The following ROBO1 variants were observed in gnomAD, a reference collection of about 807,000 sequenced individuals.
ROBO1 encodes roundabout guidance receptor 1.
ROBO1 carries 149 observed loss-of-function variants against 195.9 expected under a neutral mutation model. That is an observed-to-expected ratio of 0.76 (90% CI 0.67 to 0.87). The LOEUF is 0.87. Among genes scored for constraint, ROBO1 ranks in the 40% least tolerant of loss-of-function variants. The probability of loss-of-function intolerance (pLI) is 0.00; values close to 1 mark genes in which losing one functional copy is unlikely to be tolerated. For missense variants in ROBO1, 1,933 were observed against 2,068.3 expected, an observed-to-expected ratio of 0.93 and a Z score of 1.27; for synonymous variants, 816 against 733.2, an observed-to-expected ratio of 1.11 and a Z score of -1.82.
chr3:78,938,876 G>C lies in ROBO1; in HGVS notation c.224C>G (p.Ser75Ter). ...TTCTCCTTTTGAGACAATCAGGTCTGAAGGGTGTTCAACAATGCGAGGTGG... is the reference window on the plus strand; with the variant it reads ...TTCTCCTTTTGAGACAATCAGGTCTCAAGGGTGTTCAACAATGCGAGGTGG... ...DFPPRIVEHP[S>*]DLIVSKGEPA... The change falls in exon 4 of 31, where the codon TCA (serine) becomes TGA (stop). Residue 75 changes from serine to a stop codon, truncating the protein, a stop_gained. Transcript: ENST00000464233. LOFTEE classifies it high-confidence loss of function. 1 of 1,613,974 alleles carries C rather than the reference G, an allele frequency of 6.2e-7. No homozygotes were observed. The highest frequency in any genetic ancestry group is 1.1e-5 in the South Asian group (1 of 91,078).
At chr3:79,479,745 C>A (rs1396364122) in intron 2 of ROBO1, among the ~76,000 whole-genome samples, 2 of 152,088 alleles carry the variant, frequency 1.3e-5, no homozygotes, top group Non-Finnish European at 2.9e-5. Flanking sequence ...AGGATGTTAT[C>A]CCTTAAAATT....
At chr3:79,508,816 A>G (rs189366725) in intron 2 of ROBO1, among the ~76,000 whole-genome samples, 1 of 152,330 alleles carries the variant, frequency 6.6e-6, no homozygotes, top group Non-Finnish European at 1.5e-5. Context: ...CAAGTTAATT[A>G]CACATTATTC....
At chr3:78,963,510 T>G (rs1328703087) in intron 3 of ROBO1, among the ~76,000 whole-genome samples, 1 of 135,912 alleles carries the variant, frequency 7.4e-6, no homozygotes, top group South Asian at 2.3e-4. Context: ...TTTTTTTTTT[T>G]TTTTTTTTTT....
At chr3:79,705,187 T>TA (rs1560116100) in intron 1 of ROBO1, among the ~76,000 whole-genome samples, 1 of 152,030 alleles carries the variant, frequency 6.6e-6, no homozygotes, top group African/African-American at 2.4e-5. Flanking sequence ...AAATATAATT[T>TA]AAAAAATTAA....
chr3:79,451,845 A>G (rs2039451313), intron 2 of ROBO1, among the ~76,000 whole-genome samples: 1 of 152,094 alleles, frequency 6.6e-6, no homozygotes, highest in Admixed American at 6.6e-5. Context: ...TCTTGCTGTA[A>G]ACAATGATAT....
intron 3 of ROBO1, among the ~76,000 whole-genome samples, chr3:79,045,073 A>G (rs779758775): frequency 1.3e-5 from 2 of 152,074 alleles, no homozygotes; most frequent in Non-Finnish European, 2.9e-5. Context: ...TTGAAAGACC[A>G]TGAAGCGCTA....
At chr3:79,111,980 T>C (rs1050807991) in intron 3 of ROBO1, among the ~76,000 whole-genome samples, 13 of 152,160 alleles carry the variant, frequency 8.5e-5, no homozygotes, top group African/African-American at 2.9e-4. Context: ...TGTAACATAG[T>C]GCAAAAAATG....
At chr3:78,887,160 A>C (rs1412039523) in intron 4 of ROBO1, among the ~76,000 whole-genome samples, 1 of 152,198 alleles carries the variant, frequency 6.6e-6, no homozygotes, top group Non-Finnish European at 1.5e-5. Flanking sequence ...GAACTTGGAG[A>C]GTAAAGGAGA....
intron 3 of ROBO1, among the ~76,000 whole-genome samples, chr3:78,964,269 G>C (rs902707410): frequency 6.6e-6 from 1 of 152,132 alleles, no homozygotes; most frequent in Non-Finnish European, 1.5e-5. Context: ...TTCAGATAAT[G>C]TCACATTCAC....
intron 2 of ROBO1, among the ~76,000 whole-genome samples, chr3:79,371,898 AC>A (rs2036209244): frequency 6.6e-6 from 1 of 152,166 alleles, no homozygotes; most frequent in Non-Finnish European, 1.5e-5. Flanking sequence ...TTCTTGGAAG[AC>A]AATTTTTCCA....
In ROBO1 at chr3:78,965,421, C is replaced by T. The variant is rs532607027; in HGVS notation, c.173-26494G>A. 5.9e-5 allele frequency among the ~76,000 whole-genome samples: 9 copies of T among 152,050 alleles called. No homozygotes were observed. The South Asian group carries it at 1.9e-3, about 32-fold the overall frequency. On this transcript the variant is annotated intron_variant, in intron 3 of 30. Coordinates refer to ENST00000464233, the MANE Select transcript of ROBO1 (RefSeq NM_002941.4). ...ACTTAGTTTCCTTTTTTCATATCAT[C>T]TTTAAGCCTGTTTTATAAAGCGATA...
intron 3 of ROBO1, among the ~76,000 whole-genome samples, chr3:78,965,041 C>T (rs2076608926): frequency 6.6e-6 from 1 of 151,650 alleles, no homozygotes; most frequent in African/African-American, 2.4e-5. Context: ...TGACTTCAAA[C>T]TCTAAAAATT....
At chr3:78,868,365 T>C (rs965441575) in intron 4 of ROBO1, among the ~76,000 whole-genome samples, 6 of 137,498 alleles carry the variant, frequency 4.4e-5, no homozygotes, top group South Asian at 2.2e-4. Context: ...CAAGTTCTAA[T>C]TTGGAATTGA....
chr3:78,791,469 C>T (rs12490210), intron 4 of ROBO1, among the ~76,000 whole-genome samples: 9 of 152,288 alleles, frequency 5.9e-5, no homozygotes, highest in Admixed American at 5.2e-4. Flanking sequence ...AGTTTAAAAA[C>T]CAATATGCAG....
At chr3:79,579,872 A>G (rs1443218088) in intron 2 of ROBO1, among the ~76,000 whole-genome samples, 1 of 152,144 alleles carries the variant, frequency 6.6e-6, no homozygotes. Context: ...CCAGTGAGCA[A>G]TGATACCTCA....
chr3:78,864,424 A>G (rs1576310824), intron 4 of ROBO1, among the ~76,000 whole-genome samples: 1 of 152,206 alleles, frequency 6.6e-6, no homozygotes, highest in Non-Finnish European at 1.5e-5. Flanking sequence ...TAATTTTAAT[A>G]ACATTTAATT....
intron 2 of ROBO1, among the ~76,000 whole-genome samples, chr3:79,514,653 C>G (rs1287725308): frequency 6.6e-6 from 1 of 152,096 alleles, no homozygotes; most frequent in African/African-American, 2.4e-5. Flanking sequence ...ACACTATAAA[C>G]ACTATTATCA....
intron 2 of ROBO1, among the ~76,000 whole-genome samples, chr3:79,272,755 C>T (rs565161008): frequency 2.0e-4 from 31 of 152,138 alleles, no homozygotes; most frequent in African/African-American, 7.0e-4. Flanking sequence ...CATTCATCCC[C>T]CACTTTAGCC....
Position 78,606,872 on chromosome 3 carries a change from C to G in ROBO1, c.4605G>C (p.Leu1535Phe), listed in dbSNP as rs1221433204. 1 of 1,613,798 alleles carries G rather than the reference C, an allele frequency of 6.2e-7. No homozygotes were observed. ...KGSSYKGREV[L>F]DGRQVVDMRT... ...GCATGTCAACAACCTGTCTTCCATC[C>G]AACACTTCTCTCCCCTTGTAACTGC... is the stretch of plus-strand genomic sequence containing the variant. Residue 1535 changes from leucine (L) to phenylalanine (F), a missense_variant, in exon 29 of 31, where the codon TTG (leucine) becomes TTC (phenylalanine). By Grantham distance (22) the Leu-to-Phe change is conservative. Around this residue, in one of 3 missense-constraint regions of ROBO1, gnomAD observed 1,737 missense variants for 1,882.5 expected, o/e 0.92. Transcript: ENST00000464233.
Sources: allele counts gnomAD v4.1 joint callset (sites outside exome capture counted in the v4.1 genomes callset), GRCh38; gene constraint gnomAD v4.1.1; regional missense constraint gnomAD v4.1.1; transcripts MANE v1.5; gene names NCBI Gene and HGNC (gene_info 2026-07-23, HGNC 2026-07-21).